Variants in S1PR2 observed in about 807,000 individuals in gnomAD.
S1PR2 encodes sphingosine-1-phosphate receptor 2.
In S1PR2, 9 loss-of-function variants were observed where a neutral mutation model predicts 16.1. The observed-to-expected ratio is 0.56, with a 90% CI of 0.34 to 0.98. S1PR2 has a LOEUF of 0.98. Among genes scored for constraint, S1PR2 ranks in the 50% least tolerant of loss-of-function variants. The pLI is 0.02. For missense variants in S1PR2, 361 were observed against 488.4 expected (o/e 0.74, Z 2.46); for synonymous variants, 224 against 233.9 (o/e 0.96, Z 0.38).
chr19:10,230,491 A>C (rs1438136859), intron 1 of S1PR2: 1 of 154,520 alleles, frequency 6.5e-6, no homozygotes. Context: ...AGCATCTGAC[A>C]AGGACAGAGA....
chr19:10,229,285 C>CA (rs199954759), intron 1 of S1PR2, among the ~76,000 whole-genome samples: 3,896 of 147,116 alleles, frequency 0.026, 147 homozygotes, highest in African/African-American at 0.092. Context: ...CTCTTTTTCT[C>CA]AAAAAAAAAA....
intron 1 of S1PR2, among the ~76,000 whole-genome samples, chr19:10,230,759 C>G (rs2039670575): frequency 6.6e-6 from 1 of 152,232 alleles, no homozygotes; most frequent in Non-Finnish European, 1.5e-5. Flanking sequence ...GCAGAAAGCC[C>G]GACGTCCGAC....
At position 10,224,084 on chromosome 19, in the gene S1PR2, G is replaced by A. The variant is rs200327403; in HGVS notation, c.822C>T (p.Phe274=). Residue 274 remains phenylalanine, a synonymous_variant, in exon 2 of 2, where the codon TTC becomes TTT. Transcript: ENST00000646641. Reference sequence around the variant, plus strand: ...GCAGGGAATTCAGGGTGGAGACGGCGAAAAAGTAGTGGGCTTTGTAGAGGA... The same window carrying A: ...GCAGGGAATTCAGGGTGGAGACGGCAAAAAAGTAGTGGGCTTTGTAGAGGA... ...CPILYKAHYF[F]AVSTLNSLLN... is the part of the protein sequence containing the mutation. 33 of 1,606,804 alleles carry A rather than the reference G, an allele frequency of 2.1e-5. No individual in the cohort carries two copies. The highest frequency in any genetic ancestry group is 8.9e-5 in the East Asian group (4 of 44,880).
At chr19:10,229,163 C>G (rs1455882952) in intron 1 of S1PR2, among the ~76,000 whole-genome samples, 1 of 152,112 alleles carries the variant, frequency 6.6e-6, no homozygotes, top group Non-Finnish European at 1.5e-5. Flanking sequence ...CCGATGAAGC[C>G]TCCTCCCACT....
intron 1 of S1PR2, among the ~76,000 whole-genome samples, chr19:10,230,798 C>G (rs539304898): frequency 6.6e-6 from 1 of 152,346 alleles, no homozygotes; most frequent in Non-Finnish European, 1.5e-5. Context: ...CGCCCCTTGG[C>G]TTGGAGGCTC....
chr19:10,230,943 G>T (rs1260503977), intron 1 of S1PR2, among the ~76,000 whole-genome samples: 2 of 152,248 alleles, frequency 1.3e-5, no homozygotes, highest in Admixed American at 6.5e-5. Context: ...AGTCGAAAGC[G>T]CTCGGATTCA....
At chr19:10,230,892 C>A (rs1347644301) in intron 1 of S1PR2, among the ~76,000 whole-genome samples, 1 of 152,104 alleles carries the variant, frequency 6.6e-6, no homozygotes, top group Non-Finnish European at 1.5e-5. Flanking sequence ...CTCCCCAAGA[C>A]CCCGGTCCCC....
In S1PR2 at chr19:10,221,498, A is replaced by C. The variant is rs1451290559; in HGVS notation, c.*2346T>G. 3 of 152,274 alleles carry C rather than the reference A, an allele frequency of 2.0e-5. No homozygotes were observed. The highest frequency in any genetic ancestry group is 2.9e-5 in the Non-Finnish European group (2 of 68,054). The allele number at this position is 152,274 out of a possible 1,614,324, so 9.4% of individuals were successfully genotyped here. ...AGGCATTGCGGAGGCACGTCTGGGG[A>C]GCTCTATGAGGGGAAACAAGCCCCT... On this transcript the variant is annotated 3_prime_UTR_variant, in exon 2 of 2. Coordinates refer to ENST00000646641, the MANE Select transcript of S1PR2 (RefSeq NM_004230.4).
chr19:10,224,752 G>A lies in S1PR2; in HGVS notation c.154C>T (p.Leu52Phe), dbSNP rs2039620130. Residue 52 changes from leucine to phenylalanine, a missense_variant, in exon 2 of 2, where the codon CTT becomes TTT. Coordinates refer to ENST00000646641, the MANE Select transcript of S1PR2 (RefSeq NM_004230.4). ...CGGGCCACCGCAATGAGCACCAGAA[G>A]GTTTTCCACCACAATGGCGCAACAG... is the stretch of plus-strand genomic sequence containing the variant. ...ILCCAIVVEN[L>F]LVLIAVARNS... The A allele has an allele frequency of 6.2e-7, 1 of 1,614,254 alleles. No individual in the cohort carries two copies. The highest frequency in any genetic ancestry group is 1.1e-5 in the South Asian group (1 of 91,090).
In S1PR2 at chr19:10,225,104, C is replaced by T. The variant is rs11878516; in HGVS notation, c.-42-157G>A. On this transcript the variant is annotated intron_variant, in intron 1 of 1. Transcript: ENST00000646641. ...AATCATCATCATCCCCACTTACAGA[C>T]GGGAAACCCAGAGAGATTAATTCAC... Among the ~76,000 whole-genome samples, 23,982 of 152,158 alleles carry T rather than the reference C, an allele frequency of 0.16. 1,949 individuals carry two copies. Among genetic ancestry groups the T allele is most frequent in the Middle Eastern group, 0.19 (55 of 294 alleles).
intron 1 of S1PR2, among the ~76,000 whole-genome samples, chr19:10,227,712 G>A (rs978191762): frequency 2.0e-5 from 3 of 152,202 alleles, no homozygotes; most frequent in South Asian, 2.1e-4. Context: ...TGGTCCAGTT[G>A]GGGGCGCTCT....
At chr19:10,227,563 A>G (rs917355272) in intron 1 of S1PR2, among the ~76,000 whole-genome samples, 2 of 152,208 alleles carry the variant, frequency 1.3e-5, no homozygotes, top group Non-Finnish European at 2.9e-5. Flanking sequence ...AGTCCCAGGC[A>G]GGCTTGGGCC....
chr19:10,224,328 C>A lies in S1PR2; in HGVS notation c.578G>T (p.Cys193Phe), dbSNP rs780666522. The A allele has an allele frequency of 9.3e-6, 15 of 1,614,030 alleles. No individual in the cohort carries two copies. The highest frequency in any genetic ancestry group is 1.6e-4 in the Middle Eastern group (1 of 6,084). Reference sequence around the variant, plus strand: ...GATGATGGAGAAGATGGTCACCACGCACAGCACATAATGCTTGGCGTAGAG... The same window carrying A: ...GATGATGGAGAAGATGGTCACCACGAACAGCACATAATGCTTGGCGTAGAG... ...LPLYAKHYVL[C>F]VVTIFSIILL... The change falls in exon 2 of 2, where the codon TGC (cysteine) becomes TTC (phenylalanine). Residue 193 changes from cysteine (C) to phenylalanine (F), a missense_variant. Transcript: ENST00000646641.
chr19:10,229,719 A>G (rs916908627), intron 1 of S1PR2, among the ~76,000 whole-genome samples: 1 of 152,244 alleles, frequency 6.6e-6, no homozygotes, highest in East Asian at 1.9e-4. Context: ...CTTTCTATTT[A>G]AAGGTCACTT....
intron 1 of S1PR2, among the ~76,000 whole-genome samples, chr19:10,230,954 G>GCCTT: frequency 6.6e-6 from 1 of 152,312 alleles, no homozygotes; most frequent in South Asian, 2.1e-4. Context: ...CTCGGATTCA[G>GCCTT]CCTTCTCCCC....
chr19:10,224,265 C>G lies in S1PR2; in HGVS notation c.641G>C (p.Cys214Ser). ...GTCAGCGTGGCTTGAGCGGACCACGCAGTAGATGCGCACGTACAGGGCCAC... is the reference window on the plus strand; with the variant it reads ...GTCAGCGTGGCTTGAGCGGACCACGGAGTAGATGCGCACGTACAGGGCCAC... ...AIVALYVRIY[C>S]VVRSSHADMA... Residue 214 changes from cysteine to serine, a missense_variant, in exon 2 of 2, where the codon TGC (cysteine) becomes TCC (serine). By Grantham distance (112) the Cys-to-Ser change is moderately radical. Transcript: ENST00000646641. The G allele has an allele frequency of 1.2e-6, 2 of 1,613,960 alleles. No homozygotes were observed. Among genetic ancestry groups the G allele is most frequent in the Non-Finnish European group, 1.7e-6 (2 of 1,180,036 alleles).
chr19:10,230,841 C>G (rs566170056), intron 1 of S1PR2, among the ~76,000 whole-genome samples: 1 of 152,354 alleles, frequency 6.6e-6, no homozygotes, highest in African/African-American at 2.4e-5. Flanking sequence ...CCTCGCTCAG[C>G]CGGAGTCAGC....
chr19:10,230,129 C>A (rs1181640642), intron 1 of S1PR2, among the ~76,000 whole-genome samples: 2 of 152,376 alleles, frequency 1.3e-5, no homozygotes, highest in Non-Finnish European at 2.9e-5. Flanking sequence ...CGCCCACCAT[C>A]AACCAGGCAA....
rs35493500 is a variant in S1PR2 at position 10,224,024 on chromosome 19, G to C, written c.882C>G (p.Asp294Glu). The C allele has an allele frequency of 6.2e-7, 1 of 1,612,498 alleles. No homozygotes were observed. The highest frequency in any genetic ancestry group is 1.3e-5 in the African/African-American group (1 of 74,944). ...GCGGCCGAAGCACCTCCCGCCGCAGGTCCCGGCTGCGCCACGTGTAGATGA... is the reference window on the plus strand; with the variant it reads ...GCGGCCGAAGCACCTCCCGCCGCAGCTCCCGGCTGCGCCACGTGTAGATGA... ...NPVIYTWRSRDLRREVLRPLQ... is the reference protein window; with the variant it reads ...NPVIYTWRSRELRREVLRPLQ... The change falls in exon 2 of 2, where the codon GAC (aspartate) becomes GAG (glutamate). Residue 294 changes from aspartate (D) to glutamate (E), a missense_variant. Asp to Glu is a conservative substitution (Grantham distance 45). Transcript: ENST00000646641.
Sources: gnomAD v4.1 joint callset for allele counts (sites outside exome capture counted in the v4.1 genomes callset) on GRCh38, gnomAD v4.1.1 for gene constraint, MANE v1.5 for transcripts, NCBI Gene and HGNC (gene_info 2026-07-23, HGNC 2026-07-21) for gene names.